NAV2: variants seen among roughly 807,000 people sequenced by gnomAD.
The protein encoded by NAV2 is neuron navigator 2, also known as helicase, APC down-regulated 1.
A neutral mutation model predicts 223.2 loss-of-function variants in NAV2; 54 were observed. The observed-to-expected ratio is 0.24, with a 90% CI of 0.19 to 0.30. The LOEUF (loss-of-function observed/expected upper bound fraction) is 0.30. NAV2 is among the 10% of genes least tolerant of loss of function. NAV2 has a pLI of 1.00. For synonymous variants in NAV2, 1,279 were observed against 1,239.3 expected (o/e 1.03, Z -0.67); for missense variants, 2,806 against 3,147.5 (o/e 0.89, Z 2.60).
In NAV2 at chr11:19,934,182, G is replaced by A. The variant is rs1273263510; in HGVS notation, c.1938G>A (p.Gln646=). Residue 646 remains glutamine (Q), a synonymous_variant, in exon 7 of 38, where the codon CAG becomes CAA. Coordinates refer to ENST00000349880, the MANE Select transcript of NAV2 (RefSeq NM_145117.5). ...TCAGTGGGTCTGTCGGGACCACCCA[G>A]ACCACAGGAAGCAATACCGTCAGTG... ...QTVSGSVGTT[Q]TTGSNTVSVQ... is the part of the protein sequence containing the mutation. 6.2e-7 allele frequency: 1 copy of A among 1,614,038 alleles called. No individual in the cohort carries two copies. Among genetic ancestry groups the A allele is most frequent in the Admixed American group, 1.7e-5 (1 of 60,016 alleles).
chr11:20,107,373 A>ACTG (rs1376076817), intron 35 of NAV2: 5 of 293,866 alleles, frequency 1.7e-5, no homozygotes, highest in African/African-American at 1.1e-4. Flanking sequence ...GGCGTGAGCC[A>ACTG]CTGCGCATGG....
intron 1 of NAV2, among the ~76,000 whole-genome samples, chr11:19,560,194 C>A (rs1005420861): frequency 6.6e-6 from 1 of 152,074 alleles, no homozygotes; most frequent in African/African-American, 2.4e-5. Flanking sequence ...GTGATTTCTC[C>A]ACTTAAAAAG....
intron 1 of NAV2, among the ~76,000 whole-genome samples, chr11:19,588,425 A>G (rs1328217610): frequency 6.6e-6 from 1 of 152,198 alleles, no homozygotes. Context: ...TTGTGAGCCA[A>G]CCCACTTGAC....
At chr11:19,364,309 CTTATTATA>C (rs1284204836) in intron 1 of NAV2, among the ~76,000 whole-genome samples, 1 of 152,192 alleles carries the variant, frequency 6.6e-6, no homozygotes, top group Non-Finnish European at 1.5e-5. Context: ...ATATATATTT[CTTATTATA>C]TCACAGTATC....
chr11:20,019,115 G>A (rs1347571599), intron 11 of NAV2, among the ~76,000 whole-genome samples: 1 of 152,198 alleles, frequency 6.6e-6, no homozygotes, highest in African/African-American at 2.4e-5. Context: ...GCTGTACACT[G>A]GAGAAAGATT....
chr11:19,595,206 G>A (rs2046173380), intron 1 of NAV2, among the ~76,000 whole-genome samples: 2 of 152,048 alleles, frequency 1.3e-5, no homozygotes, highest in Admixed American at 6.6e-5. Context: ...GTCACTCCTG[G>A]GGCATTCATT....
At chr11:19,404,148 A>C (rs192029985) in intron 1 of NAV2, among the ~76,000 whole-genome samples, 2 of 152,228 alleles carry the variant, frequency 1.3e-5, no homozygotes, top group Admixed American at 1.3e-4. Flanking sequence ...TGGGAGCCCA[A>C]TTGCTCGGGG....
intron 1 of NAV2, chr11:19,575,229 G>A (rs1441072783): frequency 6.5e-6 from 1 of 154,030 alleles, no homozygotes; most frequent in Non-Finnish European, 1.5e-5. Context: ...AATTAGAGGG[G>A]TTCTTAGCAG....
chr11:19,808,550 A>G (rs2058694407), intron 1 of NAV2, among the ~76,000 whole-genome samples: 1 of 152,248 alleles, frequency 6.6e-6, no homozygotes, highest in Non-Finnish European at 1.5e-5. Context: ...TTAAAAAAAG[A>G]AGAGATGTGA....
chr11:20,117,937 G>T (rs1290012066), intron 37 of NAV2, among the ~76,000 whole-genome samples, 196 bp from the exon 38 acceptor site: 1 of 152,178 alleles, frequency 6.6e-6, no homozygotes, highest in East Asian at 1.9e-4. Context: ...TGTGTTCAAA[G>T]TCATGCAGCT....
intron 1 of NAV2, among the ~76,000 whole-genome samples, chr11:19,403,052 C>A (rs1450724457): frequency 6.6e-6 from 1 of 152,188 alleles, no homozygotes; most frequent in Non-Finnish European, 1.5e-5. Context: ...GAATTTGGGG[C>A]AACTTATTTA....
chr11:19,596,863 G>C (rs1320348056), intron 1 of NAV2, among the ~76,000 whole-genome samples: 1 of 152,206 alleles, frequency 6.6e-6, no homozygotes, highest in East Asian at 1.9e-4. Flanking sequence ...TCTGCAGGCT[G>C]TTCGTCTTTA....
intron 6 of NAV2, among the ~76,000 whole-genome samples, chr11:19,896,874 C>A (rs1188181841): frequency 6.6e-6 from 1 of 152,224 alleles, no homozygotes; most frequent in Non-Finnish European, 1.5e-5. Context: ...CAGCTATCCC[C>A]ATTACTGGGT....
chr11:19,792,642 C>A lies in NAV2; in HGVS notation c.268-39842C>A, dbSNP rs546514819. 9.2e-5 allele frequency among the ~76,000 whole-genome samples: 14 copies of A among 152,332 alleles called. No homozygotes were observed. The East Asian group carries it at 2.7e-3, about 29-fold the overall frequency. On this transcript the variant is annotated intron_variant, in intron 1 of 37. Transcript: ENST00000349880. Reference sequence around the variant, plus strand: ...CACTCAGACTCTGCCTGGATGCAGGCTCTGGTTTATGTCTCCCTTTGGGAC... The same window carrying A: ...CACTCAGACTCTGCCTGGATGCAGGATCTGGTTTATGTCTCCCTTTGGGAC...
intron 1 of NAV2, among the ~76,000 whole-genome samples, chr11:19,392,142 A>G (rs1349455209): frequency 1.3e-5 from 2 of 152,168 alleles, no homozygotes; most frequent in East Asian, 3.8e-4. Context: ...GTAGTATGGA[A>G]TAGTGGGTAT....
At chr11:20,024,804 G>T (rs2054888211) in intron 11 of NAV2, among the ~76,000 whole-genome samples, 1 of 152,226 alleles carries the variant, frequency 6.6e-6, no homozygotes, top group Admixed American at 6.5e-5. Flanking sequence ...TTAGTGGAGG[G>T]TTGGAGGGAG....
At chr11:19,457,204 G>A in intron 1 of NAV2, among the ~76,000 whole-genome samples, 1 of 152,162 alleles carries the variant, frequency 6.6e-6, no homozygotes. Flanking sequence ...AACAACAGCA[G>A]CAATGTCATT....
chr11:19,937,507 C>T (rs1372672970), intron 7 of NAV2, among the ~76,000 whole-genome samples: 1 of 152,178 alleles, frequency 6.6e-6, no homozygotes, highest in Non-Finnish European at 1.5e-5. Flanking sequence ...TTATAGTTTA[C>T]TAAGAGTTGT....
At chr11:19,719,036 TG>T (rs2050542227) in intron 1 of NAV2, among the ~76,000 whole-genome samples, 1 of 152,186 alleles carries the variant, frequency 6.6e-6, no homozygotes, top group African/African-American at 2.4e-5. Flanking sequence ...GCACCAAATC[TG>T]GGTCCCATAT....
Sources: gnomAD v4.1 joint callset for allele counts (sites outside exome capture counted in the v4.1 genomes callset) on GRCh38, gnomAD v4.1.1 for gene constraint, MANE v1.5 for transcripts, NCBI Gene and HGNC (gene_info 2026-07-23, HGNC 2026-07-21) for gene names.